KDELR1: variants seen among roughly 807,000 people sequenced by gnomAD.
The protein encoded by KDELR1 is KDEL endoplasmic reticulum protein retention receptor 1.
Under a neutral mutation model 25.5 loss-of-function variants are expected in KDELR1, and 16 were observed. That is an observed-to-expected ratio of 0.63 (90% confidence interval 0.43 to 0.95). The LOEUF is 0.95. Among genes scored for constraint, KDELR1 ranks in the 40% least tolerant of loss-of-function variants. The pLI, the probability that KDELR1 is intolerant of heterozygous loss-of-function variation, is 0.00. For synonymous variants in KDELR1, 121 were observed against 115.0 expected, an observed-to-expected ratio of 1.05 and a Z score of -0.33; for missense variants, 159 against 265.2, an observed-to-expected ratio of 0.60 and a Z score of 2.78.
chr19:48,391,624 G>A, upstream of KDELR1: 2 of 488,166 alleles, frequency 4.1e-6, no homozygotes, highest in Non-Finnish European at 7.4e-6. Context: ...TGGATCCCCG[G>A]CGCCCCCTAT....
upstream of KDELR1, among the ~76,000 whole-genome samples, chr19:48,394,595 C>T (rs888644645): frequency 2.6e-5 from 4 of 151,320 alleles, no homozygotes; most frequent in Non-Finnish European, 4.4e-5. The surrounding 1 kb of genome is among the most constrained non-coding windows in gnomAD (Gnocchi z 5.1). Context: ...GGGATCCCCA[C>T]GGGGTCGGGG....
upstream of KDELR1, among the ~76,000 whole-genome samples, chr19:48,392,952 A>G (rs997230039): frequency 6.6e-6 from 1 of 152,190 alleles, no homozygotes; most frequent in Non-Finnish European, 1.5e-5. Flanking sequence ...TCCTGCATCT[A>G]TGAGGGGACA....
chr19:48,383,987 T>C (rs275847), intron 4 of KDELR1, among the ~76,000 whole-genome samples: 88,371 of 152,034 alleles, frequency 0.58, 26,163 homozygotes, highest in East Asian at 0.82. Flanking sequence ...GCTGAGTCCC[T>C]GCCCTGCCTG....
upstream of KDELR1, among the ~76,000 whole-genome samples, chr19:48,391,717 G>C (rs1159243815): frequency 6.6e-6 from 1 of 152,134 alleles, no homozygotes; most frequent in African/African-American, 2.4e-5. Flanking sequence ...CGCAGGGTTC[G>C]GAAAGTGCCA....
At position 48,383,445 on chromosome 19, in the gene KDELR1, T is replaced by A. The variant is rs1001122510; in HGVS notation, c.605-118A>T. 1.1e-4 allele frequency: 97 copies of A among 851,696 alleles called. No homozygotes were observed. The Admixed American group carries it at 2.0e-3, about 17-fold the overall frequency. The allele number at this position is 851,696 out of a possible 1,614,324, so 52.8% of individuals were successfully genotyped here. The stretch of plus-strand genomic sequence containing the variant: ...ATGGGCAGATCCACAGGGAGGGAGG[T>A]CCCCCAGGACTCACAGATACATTCC... On this transcript the variant is annotated intron_variant, in intron 4 of 4. Coordinates refer to ENST00000330720, the MANE Select transcript of KDELR1 (RefSeq NM_006801.3).
At chr19:48,389,367 C>G (rs1970522555) in intron 3 of KDELR1, 186 bp downstream of exon 3, 1 of 635,826 alleles carries the variant, frequency 1.6e-6, no homozygotes, top group Non-Finnish European at 2.8e-6. Flanking sequence ...GTGACTGACA[C>G]ATAGCGAGTC....
chr19:48,391,097 G>C (rs549085328), intron 1 of KDELR1, among the ~76,000 whole-genome samples, 171 bp downstream of exon 1: 43 of 152,312 alleles, frequency 2.8e-4, no homozygotes, highest in African/African-American at 1.0e-3. Flanking sequence ...CCGCCAGTCT[G>C]GGGAAGGGAG....
the KDELR1 span, among the ~76,000 whole-genome samples, chr19:48,396,560 G>A: frequency 6.6e-6 from 1 of 152,010 alleles, no homozygotes; most frequent in African/African-American, 2.4e-5. Flanking sequence ...GCGGAGTGGG[G>A]GGGTTATTCT....
At position 48,384,817 on chromosome 19, in the gene KDELR1, T is replaced by C. The variant is rs1037994700; in HGVS notation, c.352-335A>G. On this transcript the variant is annotated intron_variant, in intron 3 of 4. Coordinates refer to ENST00000330720, the MANE Select transcript of KDELR1 (RefSeq NM_006801.3). The surrounding 1 kb of genome is among the most constrained non-coding windows in gnomAD (Gnocchi z 4.6). ...TCGCAGTCCGTTCTCATGAACACTT[T>C]GCAATTGCGCCTCTCTGAAAGGCAG... Among the ~76,000 whole-genome samples the C allele has an allele frequency of 6.6e-6, 1 of 152,076 alleles. No individual in the cohort carries two copies. Among genetic ancestry groups the C allele is most frequent in the African/African-American group, 2.4e-5 (1 of 41,396 alleles).
chr19:48,390,364 G>A, intron 2 of KDELR1, 60 bp downstream of exon 2: 1 of 1,282,814 alleles, frequency 7.8e-7, no homozygotes. Flanking sequence ...TAGGAGTCTG[G>A]GACCCACACC....
At chr19:48,392,700 A>G (rs276719), upstream of KDELR1, among the ~76,000 whole-genome samples, 43,599 of 152,038 alleles carry the variant, frequency 0.29, 7,260 homozygotes, top group African/African-American at 0.45. Context: ...GCTCAAGGCC[A>G]AAACTCTGAC....
upstream of KDELR1, among the ~76,000 whole-genome samples, chr19:48,396,316 A>G (rs1307814046): frequency 6.6e-6 from 1 of 151,778 alleles, no homozygotes; most frequent in African/African-American, 2.4e-5. Flanking sequence ...TGCTCTCCCT[A>G]ATCCCTGTGG....
chr19:48,392,210 C>G (rs1217848058), upstream of KDELR1, among the ~76,000 whole-genome samples: 2 of 139,244 alleles, frequency 1.4e-5, no homozygotes, highest in Non-Finnish European at 3.1e-5. Flanking sequence ...GACTCCAGGC[C>G]CCCAGACCCT....
At chr19:48,386,593 G>A (rs1426191299) in intron 3 of KDELR1, among the ~76,000 whole-genome samples, 1 of 151,412 alleles carries the variant, frequency 6.6e-6, no homozygotes, top group African/African-American at 2.4e-5. Flanking sequence ...GATTACAGGT[G>A]CATGCCACCA....
At position 48,382,838 on chromosome 19, in the gene KDELR1, G is replaced by A. The variant is rs377143181; in HGVS notation, c.*455C>T. 2.2e-4 allele frequency: 34 copies of A among 155,862 alleles called. No individual in the cohort carries two copies. The East Asian group carries it at 3.0e-3, about 14-fold the overall frequency. 9.7% of individuals were successfully genotyped at this position (155,862 alleles called of 1,614,324 possible). On this transcript the variant is annotated 3_prime_UTR_variant, in exon 5 of 5. Coordinates refer to ENST00000330720, the MANE Select transcript of KDELR1 (RefSeq NM_006801.3). ...AATCTAGAAATTTAGTGGGGGTCGCGGTTCATGGCCATGGCAGGAGGTGGG... is the reference window on the plus strand; with the variant it reads ...AATCTAGAAATTTAGTGGGGGTCGCAGTTCATGGCCATGGCAGGAGGTGGG...
chr19:48,395,535 G>A (rs943326246), upstream of KDELR1, among the ~76,000 whole-genome samples: 3 of 152,022 alleles, frequency 2.0e-5, no homozygotes, highest in Admixed American at 6.6e-5. Context: ...GAAACGGGAT[G>A]CCGTCTGCAG....
upstream of KDELR1, among the ~76,000 whole-genome samples, chr19:48,395,401 C>A (rs1030355469): frequency 2.0e-5 from 3 of 152,076 alleles, no homozygotes; most frequent in Non-Finnish European, 4.4e-5. Flanking sequence ...CCCCAGCACC[C>A]CTCGCCCCAA....
At position 48,391,432 on chromosome 19, in the gene KDELR1, C is replaced by A; in HGVS notation, c.-74G>T. ...GGGGGTGCCCCCCGAGGCTGCTGGT[C>A]TGAACGGGTAGCTGGGCTGGGGGGA... is the stretch of plus-strand genomic sequence containing the variant. On this transcript the variant is annotated 5_prime_UTR_variant, in exon 1 of 5. Transcript: ENST00000330720. 8.2e-7 allele frequency: 1 copy of A among 1,217,336 alleles called. No individual in the cohort carries two copies. The allele number at this position is 1,217,336 out of a possible 1,614,324, so 75.4% of individuals were successfully genotyped here.
chr19:48,391,219 A>G, intron 1 of KDELR1, 49 bp downstream of exon 1: 1 of 1,508,886 alleles, frequency 6.6e-7, no homozygotes, highest in African/African-American at 1.4e-5. Context: ...ACGTCCCCCA[A>G]CCCCCGCCCG....
Sources: allele counts gnomAD v4.1 joint callset (sites outside exome capture counted in the v4.1 genomes callset), GRCh38; gene constraint gnomAD v4.1.1; non-coding constraint Gnocchi (gnomAD v3.1); transcripts MANE v1.5; gene names NCBI Gene and HGNC (gene_info 2026-07-23, HGNC 2026-07-21).